The following C1orf94 variants were observed in gnomAD, a reference collection of about 807,000 sequenced individuals.
C1orf94 encodes chromosome 1 open reading frame 94, also known as uncharacterized protein C1orf94.
A neutral mutation model predicts 53.6 loss-of-function variants in C1orf94; 45 were observed. That is an observed-to-expected ratio of 0.84 (90% CI 0.66 to 1.08). C1orf94 has a LOEUF of 1.08. Ranked by LOEUF, C1orf94 falls within the 50% of genes least tolerant of loss-of-function variation. The pLI is 0.00. For missense variants in C1orf94, 762 were observed against 738.9 expected (o/e 1.03, Z -0.36); for synonymous variants, 304 against 296.1 (o/e 1.03, Z -0.27).
chr1:34,175,736 C>T (rs1385952250), upstream of C1orf94, among the ~76,000 whole-genome samples: 2 of 152,094 alleles, frequency 1.3e-5, no homozygotes, highest in Non-Finnish European at 2.9e-5. Context: ...ACATGATCCT[C>T]ATAATTTATT....
At chr1:34,201,672 T>C (rs775195210) in intron 3 of C1orf94, among the ~76,000 whole-genome samples, 14 of 152,232 alleles carry the variant, frequency 9.2e-5, no homozygotes, top group Non-Finnish European at 1.5e-4. Flanking sequence ...AGGGAGGGGC[T>C]GCTTTAATCA....
intron 1 of C1orf94, among the ~76,000 whole-genome samples, chr1:34,188,814 G>C (rs1642429812): frequency 1.3e-5 from 2 of 152,202 alleles, no homozygotes; most frequent in Non-Finnish European, 2.9e-5. Flanking sequence ...CCAGGAGACA[G>C]AGCTTAAGGG....
chr1:34,185,811 T>G lies in C1orf94; in HGVS notation c.320+7702T>G, dbSNP rs530490904. Among the ~76,000 whole-genome samples the G allele has an allele frequency of 3.3e-5, 5 of 152,370 alleles. No homozygotes were observed. The East Asian group carries it at 9.7e-4, about 29-fold the overall frequency. ...ATCTCTCATGGCTCGCCTTGTCCTC[T>G]GGCCCCTTGGGCCTGGTTTTCAGGG... On this transcript the variant is annotated intron_variant, in intron 1 of 6. Coordinates refer to ENST00000488417, the MANE Select transcript of C1orf94 (RefSeq NM_001134734.2).
chr1:34,197,258 C>A lies in C1orf94; in HGVS notation c.354C>A (p.Ile118=), dbSNP rs1377644773. Reference sequence around the variant, plus strand: ...AGCTCAGCAGTGGCAAAGATGAGATCTCCTTGTTGGTGGAACAGGAGTTCC... The same window carrying A: ...AGCTCAGCAGTGGCAAAGATGAGATATCCTTGTTGGTGGAACAGGAGTTCC... ...ALELSSGKDE[I]SLLVEQEFLS... The change falls in exon 2 of 7, where the codon ATC becomes ATA. Residue 118 remains isoleucine (I), a synonymous_variant. Transcript: ENST00000488417. This position sits in a 1 kb window ranked among gnomAD's most constrained non-coding sequence, Gnocchi z 4.1. 1 of 1,545,312 alleles carries A rather than the reference C, an allele frequency of 6.5e-7. No individual in the cohort carries two copies. Among genetic ancestry groups the A allele is most frequent in the Non-Finnish European group, 8.8e-7 (1 of 1,142,712 alleles).
intron 1 of C1orf94, among the ~76,000 whole-genome samples, chr1:34,184,061 G>T (rs1420931707): frequency 6.6e-6 from 1 of 152,128 alleles, no homozygotes; most frequent in Non-Finnish European, 1.5e-5. Context: ...ACTGAACATT[G>T]TACTTGACTA....
intron 1 of C1orf94, among the ~76,000 whole-genome samples, chr1:34,168,714 C>G (rs879745478): frequency 5.3e-5 from 8 of 152,208 alleles, no homozygotes; most frequent in Non-Finnish European, 1.0e-4. Flanking sequence ...TGTGTCCTCA[C>G]ATGTGTTCCC....
At chr1:34,187,626 C>T (rs1642403374) in intron 1 of C1orf94, among the ~76,000 whole-genome samples, 1 of 151,868 alleles carries the variant, frequency 6.6e-6, no homozygotes, top group African/African-American at 2.4e-5. Context: ...TAAGCCTTCC[C>T]TTATTAAACA....
chr1:34,168,899 G>A (rs1489703358), intron 1 of C1orf94, among the ~76,000 whole-genome samples: 1 of 152,164 alleles, frequency 6.6e-6, no homozygotes, highest in Non-Finnish European at 1.5e-5. Flanking sequence ...GGGTGGGGGG[G>A]CACACAATTC....
chr1:34,178,071 T>C lies in C1orf94; in HGVS notation c.282T>C (p.Val94=), dbSNP rs1243474468. 1 of 1,551,692 alleles carries C rather than the reference T, an allele frequency of 6.4e-7. No individual in the cohort carries two copies. Among genetic ancestry groups the C allele is most frequent in the East Asian group, 2.4e-5 (1 of 40,900 alleles). Reference sequence around the variant, plus strand: ...TGGAGCAGCTCTCTGTCCCTGTGGTTGGAACTCTAAGAGGCAATGAGCTCA... The same window carrying C: ...TGGAGCAGCTCTCTGTCCCTGTGGTCGGAACTCTAAGAGGCAATGAGCTCA... ...TSMEQLSVPV[V]GTLRGNELSF... Residue 94 remains valine (V), a synonymous_variant, in exon 1 of 7, where the codon GTT becomes GTC. Coordinates refer to ENST00000488417, the MANE Select transcript of C1orf94 (RefSeq NM_001134734.2).
At chr1:34,207,536 A>G (rs1375795587) in intron 4 of C1orf94, among the ~76,000 whole-genome samples, 1 of 152,238 alleles carries the variant, frequency 6.6e-6, no homozygotes, top group African/African-American at 2.4e-5. Context: ...AGACACAGGT[A>G]TATGGATGGG....
upstream of C1orf94, among the ~76,000 whole-genome samples, chr1:34,175,051 G>A (rs1292633859): frequency 6.6e-6 from 1 of 152,078 alleles, no homozygotes; most frequent in African/African-American, 2.4e-5. Flanking sequence ...AACCCCATGT[G>A]GCTAGTGGCT....
At chr1:34,175,984 T>G (rs1642218638), upstream of C1orf94, among the ~76,000 whole-genome samples, 1 of 152,066 alleles carries the variant, frequency 6.6e-6, no homozygotes, top group Non-Finnish European at 1.5e-5. Flanking sequence ...GCATCTGTAA[T>G]TATTGCTGCT....
rs1642696810 is a variant in C1orf94 at position 34,200,957 on chromosome 1, C to G, written c.1195C>G (p.Leu399Val). ...PAEKNLLYEF[L>V]GATKNPSGQP... ...CGAGAAGAACTTGCTCTATGAGTTC[C>G]TTGGGGCCACCAAGAACCCAAGCGG... The change falls in exon 3 of 7, where the codon CTT (leucine) becomes GTT (valine). Residue 399 changes from leucine (L) to valine (V), a missense_variant. Leu to Val is a conservative substitution (Grantham distance 32, BLOSUM62 1). Coordinates refer to ENST00000488417, the MANE Select transcript of C1orf94 (RefSeq NM_001134734.2). 3 of 1,613,736 alleles carry G rather than the reference C, an allele frequency of 1.9e-6. No individual in the cohort carries two copies. In the South Asian group the frequency reaches 3.3e-5, roughly 18 times the overall value.
At chr1:34,213,620 A>G (rs2148623587) in intron 6 of C1orf94, among the ~76,000 whole-genome samples, 1 of 152,022 alleles carries the variant, frequency 6.6e-6, no homozygotes, top group East Asian at 1.9e-4. Flanking sequence ...GGCTCACTGC[A>G]ATCTCCGCCT....
At chr1:34,192,850 A>C (rs1642515330) in intron 1 of C1orf94, among the ~76,000 whole-genome samples, 1 of 152,116 alleles carries the variant, frequency 6.6e-6, no homozygotes, top group Non-Finnish European at 1.5e-5. Context: ...GGCTGGAATG[A>C]ACTTAGCATT....
chr1:34,218,288 ATGT>A (rs2148625373), intron 6 of C1orf94, among the ~76,000 whole-genome samples: 2 of 152,232 alleles, frequency 1.3e-5, no homozygotes, highest in South Asian at 2.1e-4. Flanking sequence ...AAGTTCTCTG[ATGT>A]TGTAGATTTT....
chr1:34,174,764 T>TC, upstream of C1orf94, among the ~76,000 whole-genome samples: 1 of 152,310 alleles, frequency 6.6e-6, no homozygotes, highest in Non-Finnish European at 1.5e-5. Flanking sequence ...AGCCACACAG[T>TC]CTGTGGACTT....
At chr1:34,198,041 G>T in intron 2 of C1orf94, 128 bp downstream of exon 2, 1 of 1,042,262 alleles carries the variant, frequency 9.6e-7, no homozygotes. Flanking sequence ...CCTCTCTGGT[G>T]GGCACAGCCC....
rs148427608 is a variant in C1orf94, at chr1:34,216,371, G to T, written c.1722-2315G>T. ...GCGGAGATGTGGAGGAACCAGCAAAGATTCTGTGAATAAGTAGGACTATCT... is the reference window on the plus strand; with the variant it reads ...GCGGAGATGTGGAGGAACCAGCAAATATTCTGTGAATAAGTAGGACTATCT... On this transcript the variant is annotated intron_variant, in intron 6 of 6. Coordinates refer to ENST00000488417, the MANE Select transcript of C1orf94 (RefSeq NM_001134734.2). 3.1e-3 allele frequency among the ~76,000 whole-genome samples: 469 copies of T among 152,316 alleles called. 3 individuals are homozygous for T. The Middle Eastern group carries it at 0.034, about 11-fold the overall frequency.
Sources: gnomAD v4.1 joint callset for allele counts (sites outside exome capture counted in the v4.1 genomes callset) on GRCh38, gnomAD v4.1.1 for gene constraint, Gnocchi (gnomAD v3.1) non-coding constraint, MANE v1.5 for transcripts, NCBI Gene and HGNC (gene_info 2026-07-23, HGNC 2026-07-21) for gene names.